ATP2B2: variants seen among roughly 807,000 people sequenced by gnomAD.
The protein encoded by ATP2B2 is ATPase plasma membrane Ca2+ transporting 2.
Under a neutral mutation model 120.0 loss-of-function variants are expected in ATP2B2, and 15 were observed. That is an observed-to-expected ratio of 0.12 (90% confidence interval 0.08 to 0.19). The LOEUF (loss-of-function observed/expected upper bound fraction) is 0.19. ATP2B2 is among the 10% of genes least tolerant of loss of function. ATP2B2 has a pLI of 1.00. For synonymous variants in ATP2B2, 694 were observed against 700.3 expected, an observed-to-expected ratio of 0.99 and a Z score of 0.14; for missense variants, 1,045 against 1,719.8, an observed-to-expected ratio of 0.61 and a Z score of 6.94.
chr3:10,642,764 G>A (rs1253689124), intron 1 of ATP2B2, among the ~76,000 whole-genome samples: 1 of 151,862 alleles, frequency 6.6e-6, no homozygotes, highest in Non-Finnish European at 1.5e-5. Flanking sequence ...TGGGCTGGAT[G>A]TTTCATATGT....
In ATP2B2 at chr3:10,329,335, C is replaced by T. The variant is rs1278664576; in HGVS notation, c.3421-210G>A. On this transcript the variant is annotated intron_variant, in intron 22 of 22. Transcript: ENST00000360273. This position sits in a 1 kb window ranked among gnomAD's most constrained non-coding sequence, Gnocchi z 5.9. ...TCCTTGAGCTGGTTTTTAAAAATCT[C>T]TTTGGTTTTGGTAGAAACTAGTGTT... Among the ~76,000 whole-genome samples, 1 of 151,998 alleles carries T rather than the reference C, an allele frequency of 6.6e-6. No homozygotes were observed. The highest frequency in any genetic ancestry group is 1.5e-5 in the Non-Finnish European group (1 of 67,994).
intron 1 of ATP2B2, among the ~76,000 whole-genome samples, chr3:10,455,478 C>A (rs1224132923): frequency 6.6e-6 from 1 of 152,198 alleles, no homozygotes; most frequent in Non-Finnish European, 1.5e-5. Context: ...GTGGGGATGA[C>A]CCTGTTTGTC....
chr3:10,504,311 G>A (rs562874283), intron 1 of ATP2B2, among the ~76,000 whole-genome samples: 2 of 152,114 alleles, frequency 1.3e-5, no homozygotes, highest in African/African-American at 2.4e-5. Context: ...TCCGGATGGC[G>A]CCCGCTGATC....
At chr3:10,645,856 G>T (rs998590307) in intron 1 of ATP2B2, among the ~76,000 whole-genome samples, 1 of 152,172 alleles carries the variant, frequency 6.6e-6, no homozygotes, top group Non-Finnish European at 1.5e-5. Context: ...GCATCAAAGG[G>T]TGAGCTGGGA....
At chr3:10,637,936 AT>A (rs1413040622) in intron 1 of ATP2B2, among the ~76,000 whole-genome samples, 1 of 152,200 alleles carries the variant, frequency 6.6e-6, no homozygotes, top group East Asian at 1.9e-4. Context: ...AACAAAGATA[AT>A]GATGACAGAT....
At chr3:10,454,704 C>T (rs2064189925) in intron 1 of ATP2B2, among the ~76,000 whole-genome samples, 1 of 152,208 alleles carries the variant, frequency 6.6e-6, no homozygotes, top group Non-Finnish European at 1.5e-5. Flanking sequence ...TGATATTATA[C>T]AAATGATCTT....
At chr3:10,617,395 C>T (rs1392147224) in intron 2 of ATP2B2, among the ~76,000 whole-genome samples, 5 of 152,160 alleles carry the variant, frequency 3.3e-5, no homozygotes, top group South Asian at 4.1e-4. Context: ...CCAATCTACC[C>T]GCCTATAGTC....
chr3:10,349,745 TGA>T (rs1323083703), intron 16 of ATP2B2, among the ~76,000 whole-genome samples: 1 of 151,716 alleles, frequency 6.6e-6, no homozygotes. Flanking sequence ...ATGTCAAAGG[TGA>T]GAGAGCAGGG....
At chr3:10,491,842 T>C (rs1210336797) in intron 1 of ATP2B2, among the ~76,000 whole-genome samples, 1 of 152,196 alleles carries the variant, frequency 6.6e-6, no homozygotes, top group Non-Finnish European at 1.5e-5. Flanking sequence ...AGTCGAGCCA[T>C]GATTTTATGT....
chr3:10,627,696 C>T (rs555345499), intron 1 of ATP2B2, among the ~76,000 whole-genome samples: 1 of 152,294 alleles, frequency 6.6e-6, no homozygotes, highest in African/African-American at 2.4e-5. Context: ...TTCTTCATTA[C>T]GAATTTCTCC....
rs2070110959 is a variant in ATP2B2, at chr3:10,639,418, T to A, written c.-459-19457A>T. ...TCAAGGTGCCAGCAGATTTGGAGTC[T>A]GGAGAGGGCCTCAGACACTGCCTTC... On this transcript the variant is annotated intron_variant, in intron 1 of 21. Coordinates refer to the ATP2B2 transcript ENST00000646379. Among the ~76,000 whole-genome samples, 4 of 152,214 alleles carry A rather than the reference T, an allele frequency of 2.6e-5. No individual in the cohort carries two copies. In the South Asian group the frequency reaches 8.3e-4, roughly 31 times the overall value.
intron 1 of ATP2B2, among the ~76,000 whole-genome samples, chr3:10,450,448 C>A (rs1377682840): frequency 1.3e-5 from 2 of 152,154 alleles, no homozygotes; most frequent in Non-Finnish European, 2.9e-5. Context: ...TCCACCCATG[C>A]CACCTGTGTC....
chr3:10,445,026 A>C (rs555729526), intron 2 of ATP2B2, among the ~76,000 whole-genome samples: 1 of 152,296 alleles, frequency 6.6e-6, no homozygotes, highest in Non-Finnish European at 1.5e-5. Context: ...CCATCTTTCC[A>C]TGTCCTCTGA....
intron 3 of ATP2B2, among the ~76,000 whole-genome samples, chr3:10,533,445 G>C (rs929274933): frequency 2.0e-5 from 3 of 152,244 alleles, no homozygotes; most frequent in Admixed American, 1.3e-4. Flanking sequence ...CTGAGACTCA[G>C]AGGGGCTGTC....
At chr3:10,486,186 C>T (rs1164212306) in intron 1 of ATP2B2, among the ~76,000 whole-genome samples, 2 of 152,314 alleles carry the variant, frequency 1.3e-5, no homozygotes, top group East Asian at 3.9e-4. Context: ...ACTAACCTTG[C>T]TTTGCCACCC....
rs147785413 is a variant in ATP2B2, at chr3:10,433,616, G to A, written c.199+15729C>T. 9.2e-5 allele frequency among the ~76,000 whole-genome samples: 14 copies of A among 152,284 alleles called. No individual in the cohort carries two copies. The East Asian group carries it at 2.5e-3, about 27-fold the overall frequency. ...CCCCTGAGCAGCTATGTTACAAGAC[G>A]AAACCATGAAGGTTATAGGGTCTTG... is the stretch of plus-strand genomic sequence containing the variant. On this transcript the variant is annotated intron_variant, in intron 2 of 22. Transcript: ENST00000360273.
At chr3:10,364,900 G>A (rs937051593) in intron 12 of ATP2B2, among the ~76,000 whole-genome samples, 13 of 152,136 alleles carry the variant, frequency 8.5e-5, no homozygotes, top group African/African-American at 1.4e-4. Context: ...CAGCAATGAC[G>A]TCTCCCCTGA....
chr3:10,622,623 T>C (rs1374789031), intron 1 of ATP2B2, among the ~76,000 whole-genome samples: 2 of 152,152 alleles, frequency 1.3e-5, no homozygotes, highest in East Asian at 1.9e-4. Context: ...ATCCCAGCTG[T>C]TGGAATCTAT....
At chr3:10,449,964 ACAC>A in intron 1 of ATP2B2, 102 bp from the exon 2 acceptor site, 1 of 329,072 alleles carries the variant, frequency 3.0e-6, no homozygotes, top group Non-Finnish European at 5.9e-6. Context: ...AACCTAAACA[ACAC>A]TGACTACACC....
Sources: allele counts gnomAD v4.1 joint callset (sites outside exome capture counted in the v4.1 genomes callset), GRCh38; gene constraint gnomAD v4.1.1; non-coding constraint Gnocchi (gnomAD v3.1); transcripts MANE v1.5; gene names NCBI Gene and HGNC (gene_info 2026-07-23, HGNC 2026-07-21).